RIMS2: variants seen among roughly 807,000 people sequenced by gnomAD.
RIMS2 encodes regulating synaptic membrane exocytosis 2.
RIMS2 carries 59 observed loss-of-function variants against 174.4 expected under a neutral mutation model. That is an observed-to-expected ratio of 0.34 (90% CI 0.27 to 0.42). RIMS2 has a LOEUF of 0.42. Among genes scored for constraint, RIMS2 ranks in the 10% least tolerant of loss-of-function variants. The probability of loss-of-function intolerance (pLI) is 1.00; values close to 1 mark genes in which losing one functional copy is unlikely to be tolerated. For synonymous variants in RIMS2, 606 were observed against 572.5 expected, an observed-to-expected ratio of 1.06 and a Z score of -0.84; for missense variants, 1,620 against 1,666.3, an observed-to-expected ratio of 0.97 and a Z score of 0.48.
At chr8:103,902,111 A>C (rs2154524682) in intron 4 of RIMS2, among the ~76,000 whole-genome samples, 1 of 152,288 alleles carries the variant, frequency 6.6e-6, no homozygotes, top group South Asian at 2.1e-4. Flanking sequence ...AAGTTTAATA[A>C]GATTGTTGGC....
At chr8:103,615,101 CT>C (rs2095475285) in intron 1 of RIMS2, among the ~76,000 whole-genome samples, 1 of 152,064 alleles carries the variant, frequency 6.6e-6, no homozygotes, top group Non-Finnish European at 1.5e-5. Context: ...AAAATGTACC[CT>C]TTACTGCTCT....
At chr8:103,912,552 T>C (rs1015440171) in intron 6 of RIMS2, among the ~76,000 whole-genome samples, 10 of 152,148 alleles carry the variant, frequency 6.6e-5, no homozygotes, top group African/African-American at 2.4e-4. Context: ...ACTTGGGAAA[T>C]GTAATATGTA....
intron 19 of RIMS2, among the ~76,000 whole-genome samples, chr8:104,094,022 T>C (rs936761238): frequency 1.3e-5 from 2 of 152,016 alleles, no homozygotes; most frequent in Admixed American, 6.6e-5. Flanking sequence ...ATAAGAATGT[T>C]ACTTTTTCAG....
intron 1 of RIMS2, among the ~76,000 whole-genome samples, chr8:103,668,349 G>C (rs1455092042): frequency 6.6e-6 from 1 of 152,168 alleles, no homozygotes; most frequent in East Asian, 1.9e-4. Flanking sequence ...TGTCCCATGA[G>C]GGAAATACAT....
At chr8:103,734,660 T>G (rs1228779003) in intron 2 of RIMS2, among the ~76,000 whole-genome samples, 1 of 151,978 alleles carries the variant, frequency 6.6e-6, no homozygotes, top group African/African-American at 2.4e-5. Flanking sequence ...GAGTATCTTT[T>G]TTAACATTTC....
Position 104,035,749 on chromosome 8 carries a change from G to A in RIMS2, c.3334+21134G>A, listed in dbSNP as rs140626762. Among the ~76,000 whole-genome samples, 97 of 152,116 alleles carry A rather than the reference G, an allele frequency of 6.4e-4. 2 individuals are homozygous for A. The East Asian group carries it at 0.017, about 27-fold the overall frequency. ...ACATCAGTCTTCTTATTAAATGCTA[G>A]TTTAAGCCATCCAGTCTGGAAAAAG... On this transcript the variant is annotated intron_variant, in intron 19 of 23. Coordinates refer to ENST00000504942, the Ensembl canonical transcript of RIMS2.
Position 103,934,537 on chromosome 8 carries a change from T to C in RIMS2, c.2376-2014T>C, listed in dbSNP as rs151187158. 1.4e-3 allele frequency among the ~76,000 whole-genome samples: 217 copies of C among 152,268 alleles called. 2 individuals are homozygous for C. The East Asian group carries it at 0.025, about 17-fold the overall frequency. On this transcript the variant is annotated intron_variant, in intron 12 of 23. Transcript: ENST00000504942. ...ATTGCCTTATTAAATTGTAATCATA[T>C]ATAACTTATAAGAAACCTCAGAGAT...
intron 1 of RIMS2, among the ~76,000 whole-genome samples, chr8:103,608,292 C>T (rs1223273216): frequency 7.0e-6 from 1 of 143,424 alleles, no homozygotes; most frequent in Non-Finnish European, 1.5e-5. Flanking sequence ...CTGGGGGGTG[C>T]CTCCCAGTTA....
chr8:104,222,879 G>A (rs924032452), intron 19 of RIMS2, among the ~76,000 whole-genome samples: 9 of 152,210 alleles, frequency 5.9e-5, no homozygotes, highest in African/African-American at 2.2e-4. Flanking sequence ...GGTGTTTATC[G>A]GTTCTTGGTT....
At chr8:104,171,525 G>A (rs1029953243) in intron 19 of RIMS2, among the ~76,000 whole-genome samples, 1 of 151,018 alleles carries the variant, frequency 6.6e-6, no homozygotes, top group Non-Finnish European at 1.5e-5. Flanking sequence ...TCTCTCTCTG[G>A]AAAATTTTTC....
chr8:103,887,530 T>A (rs2099211443), intron 4 of RIMS2, among the ~76,000 whole-genome samples: 1 of 151,606 alleles, frequency 6.6e-6, no homozygotes, highest in Non-Finnish European at 1.5e-5. Context: ...AACCATTAAC[T>A]TTTTTAACAT....
intron 16 of RIMS2, among the ~76,000 whole-genome samples, chr8:103,979,091 T>C (rs916295848): frequency 1.3e-5 from 2 of 152,190 alleles, no homozygotes; most frequent in Non-Finnish European, 2.9e-5. Context: ...CTGGAACTTA[T>C]CTAAAATACT....
At chr8:103,874,466 G>A (rs371682667) in intron 3 of RIMS2, among the ~76,000 whole-genome samples, 125 of 152,082 alleles carry the variant, frequency 8.2e-4, no homozygotes, top group African/African-American at 2.8e-3. Context: ...GTTGCTTCCA[G>A]AGTACATTTC....
At chr8:103,714,938 A>G (rs1160648180) in intron 2 of RIMS2, among the ~76,000 whole-genome samples, 2 of 152,206 alleles carry the variant, frequency 1.3e-5, no homozygotes, top group African/African-American at 4.8e-5. Context: ...AAATTTTAAC[A>G]TGTAATTATA....
intron 1 of RIMS2, among the ~76,000 whole-genome samples, chr8:103,610,498 AT>A (rs2095330458): frequency 6.6e-6 from 1 of 152,164 alleles, no homozygotes; most frequent in Non-Finnish European, 1.5e-5. Context: ...ATTTTGACGT[AT>A]GTTCCTTCAG....
At chr8:104,029,340 T>A (rs2154556050) in intron 19 of RIMS2, among the ~76,000 whole-genome samples, 1 of 152,296 alleles carries the variant, frequency 6.6e-6, no homozygotes, top group South Asian at 2.1e-4. Context: ...AGCCTTATTT[T>A]ACCCAGCCCC....
At chr8:103,772,608 C>A (rs1363092488) in intron 3 of RIMS2, among the ~76,000 whole-genome samples, 2 of 152,040 alleles carry the variant, frequency 1.3e-5, no homozygotes, top group Admixed American at 1.3e-4. Flanking sequence ...TTTATATATA[C>A]AGATAGATTC....
chr8:103,819,461 A>G (rs1258991954), intron 3 of RIMS2: 28 of 1,605,500 alleles, frequency 1.7e-5, no homozygotes, highest in Non-Finnish European at 2.2e-5. Context: ...GATTTTAAAG[A>G]CAGGTGGTAG....
At chr8:103,668,834 C>T (rs550902676) in intron 1 of RIMS2, among the ~76,000 whole-genome samples, 1 of 152,160 alleles carries the variant, frequency 6.6e-6, no homozygotes, top group East Asian at 1.9e-4. Context: ...GTAGAAGCCA[C>T]AATGCCCAGC....
Sources: gnomAD v4.1 joint callset for allele counts (sites outside exome capture counted in the v4.1 genomes callset) on GRCh38, gnomAD v4.1.1 for gene constraint, MANE v1.5 for transcripts, NCBI Gene and HGNC (gene_info 2026-07-23, HGNC 2026-07-21) for gene names.